The following HAUS6 variants were observed in gnomAD, a reference collection of about 807,000 sequenced individuals.
HAUS6 encodes HAUS augmin like complex subunit 6, also known as HAUS augmin-like complex subunit 6.
HAUS6 carries 80 observed loss-of-function variants against 106.8 expected under a neutral mutation model. The ratio of observed to expected loss-of-function variants is 0.75; its 90% CI spans 0.63 to 0.90. HAUS6 has a LOEUF of 0.90. HAUS6 is among the 40% of genes least tolerant of loss of function. The pLI, the probability that HAUS6 is intolerant of heterozygous loss-of-function variation, is 0.00. For missense variants in HAUS6, 1,155 were observed against 1,118.1 expected (o/e 1.03, Z -0.47); for synonymous variants, 356 against 379.1 (o/e 0.94, Z 0.71).
In HAUS6 at chr9:19,089,489, G is replaced by C. The variant is rs776710734; in HGVS notation, c.507C>G (p.Cys169Trp). The change falls in exon 5 of 17, where the codon TGC becomes TGG. Residue 169 changes from cysteine to tryptophan, a missense_variant. By Grantham distance (215) the Cys-to-Trp change is radical. Transcript: ENST00000380502. ...GTAAAAATCTGCTACGTGCGAAATG[G>C]CATCTGGCAATGCATTTGTGCAAGT... ...PQDLHKCIAR[C>W]HFARSRFLQI... 1.9e-6 allele frequency: 3 copies of C among 1,610,188 alleles called. No individual in the cohort carries two copies. The highest frequency in any genetic ancestry group is 2.5e-6 in the Non-Finnish European group (3 of 1,176,526).
At chr9:19,087,718 G>A (rs779607549) in intron 5 of HAUS6, among the ~76,000 whole-genome samples, 1 of 151,818 alleles carries the variant, frequency 6.6e-6, no homozygotes, top group Admixed American at 6.6e-5. Flanking sequence ...AGCTGGGTGT[G>A]GTAGAACACG....
At position 19,058,627 on chromosome 9, in the gene HAUS6, A is replaced by G; in HGVS notation, c.2140T>C (p.Phe714Leu). ...ATCCTATTGCCGACAGCAGGGGAGA[A>G]TGTCTCCATTCGGCTAGTTTCTGAA... ...KLSETSRMET[F>L]SPAVGNRIDV... is the part of the protein sequence containing the mutation. Residue 714 changes from phenylalanine to leucine, a missense_variant, in exon 16 of 17, where the codon TTC becomes CTC. Around this residue, in one of 3 missense-constraint regions of HAUS6, gnomAD observed 380 missense variants for 394.8 expected, o/e 0.96. Transcript: ENST00000380502. 6.2e-7 allele frequency: 1 copy of G among 1,606,330 alleles called. No individual in the cohort carries two copies. Among genetic ancestry groups the G allele is most frequent in the African/African-American group, 1.3e-5 (1 of 74,670 alleles).
intron 11 of HAUS6, among the ~76,000 whole-genome samples, chr9:19,071,249 T>C (rs1016722760): frequency 6.6e-6 from 1 of 152,002 alleles, no homozygotes; most frequent in African/African-American, 2.4e-5. Flanking sequence ...AACTAAAAGA[T>C]AAATCAGTGA....
chr9:19,100,684 G>C (rs550287931), intron 1 of HAUS6, among the ~76,000 whole-genome samples: 1 of 152,172 alleles, frequency 6.6e-6, no homozygotes, highest in African/African-American at 2.4e-5. Flanking sequence ...AACCTAAGTT[G>C]AATGGATAAA....
chr9:19,099,172 T>TC (rs1491421301), intron 1 of HAUS6, among the ~76,000 whole-genome samples: 1 of 95,006 alleles, frequency 1.1e-5, no homozygotes, highest in Non-Finnish European at 2.1e-5. Flanking sequence ...TTTTTTTGTG[T>TC]TTTTTTTTTT....
At chr9:19,098,568 T>C (rs1048617260) in intron 1 of HAUS6, among the ~76,000 whole-genome samples, 2 of 152,214 alleles carry the variant, frequency 1.3e-5, no homozygotes, top group Non-Finnish European at 2.9e-5. Flanking sequence ...CTCTTTTTAT[T>C]CCTACTGCCA....
intron 1 of HAUS6, 55 bp downstream of exon 1, chr9:19,102,469 C>A (rs1020028087): frequency 6.3e-7 from 1 of 1,576,978 alleles, no homozygotes; most frequent in Non-Finnish European, 8.7e-7. Flanking sequence ...AAGGGGGAGT[C>A]CCCCGGCGTC....
At chr9:19,070,751 G>C (rs752607244) in intron 11 of HAUS6, among the ~76,000 whole-genome samples, 1 of 152,214 alleles carries the variant, frequency 6.6e-6, no homozygotes, top group Non-Finnish European at 1.5e-5. Context: ...AGAAAGAAAT[G>C]AAAGATGGAA....
chr9:19,093,259 A>G lies in HAUS6; in HGVS notation c.348T>C (p.Phe116=). ...SSFPQVVGSL[F]LSPGGPKFIH... is the part of the protein sequence containing the mutation. ...TAAACTTAGGACCACCAGGAGAAAG[A>G]AATAGTGAACCAACAACTTGAGGAA... Residue 116 remains phenylalanine, a synonymous_variant, in exon 4 of 17, where the codon TTT becomes TTC. Transcript: ENST00000380502. The G allele has an allele frequency of 6.2e-7, 1 of 1,610,330 alleles. No homozygotes were observed. Among genetic ancestry groups the G allele is most frequent in the South Asian group, 1.1e-5 (1 of 90,456 alleles).
At chr9:19,075,248 G>A (rs1036803238) in intron 11 of HAUS6, among the ~76,000 whole-genome samples, 1 of 152,188 alleles carries the variant, frequency 6.6e-6, no homozygotes. Context: ...AGGGGGATTG[G>A]GGGGTGATAG....
rs1836524873 is a variant in HAUS6 at position 19,058,287 on chromosome 9, T to A, written c.2480A>T (p.Asp827Val). Residue 827 changes from aspartate (D) to valine (V), a missense_variant, in exon 16 of 17, where the codon GAC becomes GTC. Coordinates refer to ENST00000380502, the MANE Select transcript of HAUS6 (RefSeq NM_017645.5). Reference protein sequence around the residue: ...VGGRQTTPESDFNLQALRSRY... With the variant: ...VGGRQTTPESVFNLQALRSRY... Reference sequence around the variant, plus strand: ...ACTGCGAAGAGCCTGTAAATTAAAGTCTGATTCTGGAGTAGTCTGTCTCCC... The same window carrying A: ...ACTGCGAAGAGCCTGTAAATTAAAGACTGATTCTGGAGTAGTCTGTCTCCC... 1 of 1,613,640 alleles carries A rather than the reference T, an allele frequency of 6.2e-7. No individual in the cohort carries two copies. Among genetic ancestry groups the A allele is most frequent in the South Asian group, 1.1e-5 (1 of 91,070 alleles).
rs775251805 is a variant in HAUS6 at position 19,086,725 on chromosome 9, T to G, written c.699+9A>C. The G allele has an allele frequency of 8.3e-7, 1 of 1,198,004 alleles. No homozygotes were observed. The highest frequency in any genetic ancestry group is 1.2e-6 in the Non-Finnish European group (1 of 814,402). The allele number at this position is 1,198,004 out of a possible 1,614,324, so 74.2% of individuals were successfully genotyped here. ...AAGATTAAATTTCTCCTTTTATAAGTTGTCTCACCTTTTGAATTTTTTCTT... is the reference window on the plus strand; with the variant it reads ...AAGATTAAATTTCTCCTTTTATAAGGTGTCTCACCTTTTGAATTTTTTCTT... On this transcript the variant is annotated intron_variant, in intron 7 of 16. Coordinates refer to ENST00000380502, the MANE Select transcript of HAUS6 (RefSeq NM_017645.5).
Position 19,058,433 on chromosome 9 carries a change from T to G in HAUS6, c.2334A>C (p.Glu778Asp), listed in dbSNP as rs1449630164. 36 of 1,603,352 alleles carry G rather than the reference T, an allele frequency of 2.2e-5. 1 individual carries two copies. The highest frequency in any genetic ancestry group is 3.1e-5 in the Non-Finnish European group (36 of 1,171,810). ...FKDNDFGILH[E>D]TLPEEVGHLS... The stretch of plus-strand genomic sequence containing the variant: ...GATGACCAACTTCTTCCGGGAGAGT[T>G]TCGTGTAATATGCCAAAATCATTAT... Residue 778 changes from glutamate to aspartate, a missense_variant, in exon 16 of 17, where the codon GAA becomes GAC. Glu to Asp is a conservative substitution (Grantham distance 45). Transcript: ENST00000380502.
Position 19,087,122 on chromosome 9 carries a change from C to A in HAUS6, c.619G>T (p.Glu207Ter). 1 of 1,542,308 alleles carries A rather than the reference C, an allele frequency of 6.5e-7. No individual in the cohort carries two copies. Among genetic ancestry groups the A allele is most frequent in the South Asian group, 1.1e-5 (1 of 89,462 alleles). ...ATTTGGTTTTCCAATCCTATACATT[C>A]AGATCTCAAGTTTCGTACCTGCTTA... ...SVKQVRNLRSECIGLENQIKK... is the reference protein window; with the variant it reads ...SVKQVRNLRS Residue 207 changes from glutamate to a stop codon, truncating the protein, a stop_gained, in exon 6 of 17, where the codon GAA becomes TAA. Coordinates refer to ENST00000380502, the MANE Select transcript of HAUS6 (RefSeq NM_017645.5). LOFTEE classifies it high-confidence loss of function.
At chr9:19,078,695 G>T (rs1317535479) in intron 9 of HAUS6, among the ~76,000 whole-genome samples, 1 of 151,964 alleles carries the variant, frequency 6.6e-6, no homozygotes, top group Admixed American at 6.6e-5. Flanking sequence ...GGCTGAGGTA[G>T]GAGAATCGCT....
In HAUS6 at chr9:19,093,186, T is replaced by A. The variant is rs1450807852; in HGVS notation, c.421A>T (p.Lys141Ter). 6.3e-7 allele frequency: 1 copy of A among 1,575,370 alleles called. No homozygotes were observed. Among genetic ancestry groups the A allele is most frequent in the Non-Finnish European group, 8.7e-7 (1 of 1,155,816 alleles). Residue 141 changes from lysine to a stop codon, truncating the protein, a stop_gained, in exon 4 of 17, where the codon AAA becomes TAA. Coordinates refer to ENST00000380502, the MANE Select transcript of HAUS6 (RefSeq NM_017645.5). LOFTEE classifies it high-confidence loss of function. ...FARFVAMKYI[K>*]SNSKNSSHHF... The stretch of plus-strand genomic sequence containing the variant: ...TTGAACTTACTTTTAGAATTGGATT[T>A]AATATATTTCATTGCAACAAATCTT...
chr9:19,096,696 A>G lies in HAUS6; in HGVS notation c.202T>C (p.Ser68Pro). 2 of 1,500,340 alleles carry G rather than the reference A, an allele frequency of 1.3e-6. No homozygotes were observed. Among genetic ancestry groups the G allele is most frequent in the Non-Finnish European group, 1.8e-6 (2 of 1,100,728 alleles). 92.9% of individuals were successfully genotyped at this position (1,500,340 alleles called of 1,614,324 possible). ...SYFLFQVLDQ[S>P]LTKEVFKFCW... Reference sequence around the variant, plus strand: ...TACTTGAAAACTTCTTTGGTGAGAGACTGGTCCAGAACTTGAAACAAAAAA... The same window carrying G: ...TACTTGAAAACTTCTTTGGTGAGAGGCTGGTCCAGAACTTGAAACAAAAAA... The change falls in exon 2 of 17, where the codon TCT (serine) becomes CCT (proline). Residue 68 changes from serine to proline, a missense_variant. Transcript: ENST00000380502.
rs554104026 is a variant in HAUS6 at position 19,075,725 on chromosome 9, G to A, written c.1294+877C>T. On this transcript the variant is annotated intron_variant, in intron 11 of 16. Coordinates refer to ENST00000380502, the MANE Select transcript of HAUS6 (RefSeq NM_017645.5). ...TCCCAGCACTTTGGGAGGCCAAGGC[G>A]GGCGGATCATTCGAGGTCAGGAGCT... is the stretch of plus-strand genomic sequence containing the variant. Among the ~76,000 whole-genome samples the A allele has an allele frequency of 6.6e-5, 10 of 152,216 alleles. No homozygotes were observed. The South Asian group carries it at 1.5e-3, about 22-fold the overall frequency.
At chr9:19,074,758 A>G (rs1345134767) in intron 11 of HAUS6, among the ~76,000 whole-genome samples, 1 of 152,188 alleles carries the variant, frequency 6.6e-6, no homozygotes, top group Admixed American at 6.6e-5. Flanking sequence ...ACTACAGCCT[A>G]CAACTATTAC....
Sources: allele counts gnomAD v4.1 joint callset (sites outside exome capture counted in the v4.1 genomes callset), GRCh38; gene constraint gnomAD v4.1.1; regional missense constraint gnomAD v4.1.1; transcripts MANE v1.5; gene names NCBI Gene and HGNC (gene_info 2026-07-23, HGNC 2026-07-21).